The following KAZN variants were observed in gnomAD, a reference collection of about 807,000 sequenced individuals.
KAZN encodes the protein kazrin, periplakin interacting protein, also known as kazrin.
In KAZN, 40 loss-of-function variants were observed where a neutral mutation model predicts 87.4. That is an observed-to-expected ratio of 0.46 (90% confidence interval 0.36 to 0.60). KAZN has a LOEUF of 0.60. Ranked by LOEUF, KAZN falls within the 20% of genes least tolerant of loss-of-function variation. The probability of loss-of-function intolerance (pLI) is 0.00; values close to 1 mark genes in which losing one functional copy is unlikely to be tolerated. For synonymous variants in KAZN, 466 were observed against 458.3 expected (o/e 1.02, Z -0.22); for missense variants, 898 against 1,073.9 (o/e 0.84, Z 2.29).
At chr1:14,879,359 G>T (rs1481965409) in intron 1 of KAZN, among the ~76,000 whole-genome samples, 1 of 152,210 alleles carries the variant, frequency 6.6e-6, no homozygotes, top group Non-Finnish European at 1.5e-5. Context: ...AGATATTCTA[G>T]TTTTGTTATT....
At chr1:13,897,928 A>C (rs1002220133) in intron 1 of KAZN, among the ~76,000 whole-genome samples, 3 of 151,868 alleles carry the variant, frequency 2.0e-5, no homozygotes, top group Non-Finnish European at 4.4e-5. Flanking sequence ...CCCCCACCCA[A>C]ATTTCTTTTA....
chr1:14,358,872 A>C (rs1299665584), intron 2 of KAZN, among the ~76,000 whole-genome samples: 1 of 152,124 alleles, frequency 6.6e-6, no homozygotes, highest in Non-Finnish European at 1.5e-5. Flanking sequence ...AATAAGTGCT[A>C]TGTGGTGCTG....
intron 2 of KAZN, among the ~76,000 whole-genome samples, chr1:14,199,781 C>T (rs1007437260): frequency 6.6e-6 from 1 of 152,150 alleles, no homozygotes; most frequent in Non-Finnish European, 1.5e-5. Context: ...CTAATGATAT[C>T]CTTAGCATTT....
intron 2 of KAZN, among the ~76,000 whole-genome samples, chr1:14,424,828 C>T (rs1397957528): frequency 6.6e-6 from 1 of 152,180 alleles, no homozygotes; most frequent in Non-Finnish European, 1.5e-5. Context: ...AAAAGAAGGG[C>T]CAGATAGATT....
intron 2 of KAZN, among the ~76,000 whole-genome samples, chr1:14,463,892 C>G (rs1232812546): frequency 6.6e-6 from 1 of 152,136 alleles, no homozygotes; most frequent in African/African-American, 2.4e-5. Context: ...CTATGGTGAC[C>G]CAGGCATTCC....
intron 1 of KAZN, among the ~76,000 whole-genome samples, chr1:14,170,067 C>T (rs921628483): frequency 6.6e-6 from 1 of 152,174 alleles, no homozygotes; most frequent in African/African-American, 2.4e-5. Flanking sequence ...CACATTGATC[C>T]TCCAAGGTGT....
Position 14,607,443 on chromosome 1 carries a change from C to T in KAZN, c.226+8220C>T, listed in dbSNP as rs762890103. On this transcript the variant is annotated intron_variant, in intron 1 of 14. Transcript: ENST00000376030. ...TCCACCAGGATGCTCTGGAGCTTGG[C>T]ATCCTTTTTCCCATTACTGCCCAAG... 3.6e-4 allele frequency among the ~76,000 whole-genome samples: 55 copies of T among 152,186 alleles called. 1 individual carries two copies. Among genetic ancestry groups the T allele is most frequent in the Admixed American group, 1.4e-3 (21 of 15,280 alleles).
chr1:14,615,858 A>G (rs1179809631), intron 1 of KAZN, among the ~76,000 whole-genome samples: 3 of 152,214 alleles, frequency 2.0e-5, no homozygotes, highest in Admixed American at 6.5e-5. Flanking sequence ...CTGAATTTCT[A>G]CAACTTCTGA....
At chr1:14,467,673 G>GC (rs1553176619) in intron 2 of KAZN, among the ~76,000 whole-genome samples, 1 of 56,118 alleles carries the variant, frequency 1.8e-5, no homozygotes, top group African/African-American at 7.8e-5. Flanking sequence ...TATCCAAAAG[G>GC]CAAAAAAAAA....
chr1:14,475,087 T>C lies in KAZN; in HGVS notation c.250-123896T>C, dbSNP rs976271010. On this transcript the variant is annotated intron_variant, in intron 2 of 16. Transcript: ENST00000636203. ...GGATAGATGAATGGTAGATGGATAT[T>C]GGATGCATAGATGACGGATGAATGG... 2.6e-5 allele frequency among the ~76,000 whole-genome samples: 4 copies of C among 151,756 alleles called. No homozygotes were observed. In the East Asian group the frequency reaches 5.8e-4, roughly 22 times the overall value.
In KAZN at chr1:13,898,864, G is replaced by T. The variant is rs534606352; in HGVS notation, c.91+5108G>T. 5.3e-5 allele frequency among the ~76,000 whole-genome samples: 8 copies of T among 152,302 alleles called. No individual in the cohort carries two copies. The South Asian group carries it at 1.5e-3, about 28-fold the overall frequency. On this transcript the variant is annotated intron_variant, in intron 1 of 16. Coordinates refer to the KAZN transcript ENST00000636203. Reference sequence around the variant, plus strand: ...TTTTAAACAATATAGGGGTCCTTCTGAATATGGAGCCTAGCTACATTTGGA... The same window carrying T: ...TTTTAAACAATATAGGGGTCCTTCTTAATATGGAGCCTAGCTACATTTGGA...
chr1:15,048,769 A>ATCCTGGGTCGTTGG (rs1375688959), intron 4 of KAZN, among the ~76,000 whole-genome samples: 3,914 of 118,004 alleles, frequency 0.033, 203 homozygotes, highest in South Asian at 0.054. Flanking sequence ...TGGGTCGTCG[A>ATCCTGGGTCGTTGG]TCCTGGGTCG....
intron 2 of KAZN, among the ~76,000 whole-genome samples, chr1:14,366,496 C>T (rs939520740): frequency 2.0e-5 from 3 of 152,240 alleles, no homozygotes; most frequent in South Asian, 2.1e-4. Flanking sequence ...AACTGGAGGG[C>T]GGGCACTGGA....
chr1:14,964,572 G>A (rs927485962), intron 2 of KAZN, among the ~76,000 whole-genome samples: 19 of 152,178 alleles, frequency 1.2e-4, no homozygotes, highest in African/African-American at 3.4e-4. Flanking sequence ...TGAGTAAATT[G>A]CAGACAGATG....
chr1:13,967,926 T>G (rs1236914127), intron 1 of KAZN, among the ~76,000 whole-genome samples: 1 of 152,166 alleles, frequency 6.6e-6, no homozygotes, highest in Admixed American at 6.5e-5. Context: ...AACCCTGGCA[T>G]TGGAGCTCCT....
chr1:14,058,489 C>T (rs1434418755), intron 1 of KAZN, among the ~76,000 whole-genome samples: 2 of 152,164 alleles, frequency 1.3e-5, no homozygotes, highest in East Asian at 3.9e-4. Flanking sequence ...CCACATGACA[C>T]CAAGTCACAT....
rs895837672 is a variant in KAZN at position 14,818,994 on chromosome 1, G to A, written c.227-141690G>A. On this transcript the variant is annotated intron_variant, in intron 1 of 14. Transcript: ENST00000376030. ...CGCTTGAATCTGGGAGGCAAACGCC[G>A]CAGTGAGCCGAGATCGTGCCATTGC... 4.6e-5 allele frequency among the ~76,000 whole-genome samples: 7 copies of A among 152,184 alleles called. No individual in the cohort carries two copies. In the South Asian group the frequency reaches 6.2e-4, roughly 14 times the overall value.
At chr1:14,156,658 G>A (rs1208984014) in intron 1 of KAZN, among the ~76,000 whole-genome samples, 3 of 152,014 alleles carry the variant, frequency 2.0e-5, no homozygotes, top group African/African-American at 7.2e-5. Context: ...TAGTAACTCC[G>A]ACTCTTTTTT....
chr1:14,067,130 C>T (rs1319501988), intron 1 of KAZN, among the ~76,000 whole-genome samples: 7 of 152,078 alleles, frequency 4.6e-5, no homozygotes, highest in African/African-American at 9.7e-5. Flanking sequence ...CTCCTCTCTC[C>T]TCCTCCCCGC....
Sources: gnomAD v4.1 joint callset for allele counts (sites outside exome capture counted in the v4.1 genomes callset) on GRCh38, gnomAD v4.1.1 for gene constraint, MANE v1.5 for transcripts, NCBI Gene and HGNC (gene_info 2026-07-23, HGNC 2026-07-21) for gene names.